SORBS2: variants seen among roughly 807,000 people sequenced by gnomAD.
SORBS2 encodes sorbin and SH3 domain-containing protein 2.
SORBS2 carries 46 observed loss-of-function variants against 97.7 expected under a neutral mutation model. That is an observed-to-expected ratio of 0.47 (90% CI 0.37 to 0.60). The LOEUF (loss-of-function observed/expected upper bound fraction) is 0.60, where lower values mean the gene tolerates loss of function less well. Among genes scored for constraint, SORBS2 ranks in the 20% least tolerant of loss-of-function variants. The pLI, the probability that SORBS2 is intolerant of heterozygous loss-of-function variation, is 0.00. For missense variants in SORBS2, 1,316 were observed against 1,282.3 expected (o/e 1.03, Z -0.40); for synonymous variants, 476 against 473.4 (o/e 1.01, Z -0.07).
At chr4:185,673,188 A>C (rs2097742639) in intron 4 of SORBS2, among the ~76,000 whole-genome samples, 1 of 152,218 alleles carries the variant, frequency 6.6e-6, no homozygotes, top group Admixed American at 6.5e-5. Context: ...ATGAGTTGCT[A>C]TTCGGTGGGC....
intron 2 of SORBS2, among the ~76,000 whole-genome samples, chr4:185,723,750 T>A (rs1324442820): frequency 1.3e-5 from 2 of 152,124 alleles, no homozygotes; most frequent in South Asian, 2.1e-4. Flanking sequence ...CTCTGTGGAG[T>A]TGAGGAAAGA....
intron 2 of SORBS2, among the ~76,000 whole-genome samples, chr4:185,716,482 G>A (rs530846631): frequency 6.6e-6 from 1 of 152,362 alleles, no homozygotes; most frequent in South Asian, 2.1e-4. Context: ...AGGGGATGTT[G>A]CCTTGGCACC....
intron 1 of SORBS2, among the ~76,000 whole-genome samples, chr4:185,866,621 T>C (rs1017067160): frequency 3.9e-5 from 6 of 152,218 alleles, no homozygotes; most frequent in Admixed American, 6.5e-5. Flanking sequence ...ACAGAGACAG[T>C]TTCACCTCAT....
At chr4:185,944,278 C>A (rs1040495993) in intron 1 of SORBS2, among the ~76,000 whole-genome samples, 19 of 152,212 alleles carry the variant, frequency 1.2e-4, no homozygotes, top group African/African-American at 3.6e-4. Context: ...GAAGCACCCA[C>A]TTAAAGCCAC....
intron 1 of SORBS2, among the ~76,000 whole-genome samples, chr4:185,841,666 T>A (rs2099211641): frequency 6.6e-6 from 1 of 152,160 alleles, no homozygotes; most frequent in African/African-American, 2.4e-5. Context: ...TTCTGCACAA[T>A]CTCCTGAGAA....
chr4:185,721,084 C>CTTTT lies in SORBS2; in HGVS notation c.-197-42266_-197-42263dup, dbSNP rs1160319469. ...CCTAACTCCTGCTTTCCCACCTATTCTTTTTTTTTTTTTTTTTTTTTTGAG... is the reference window on the plus strand; with the variant it reads ...CCTAACTCCTGCTTTCCCACCTATTCTTTTTTTTTTTTTTTTTTTTTTTTTTGAG... On this transcript the variant is annotated intron_variant, in intron 2 of 20. Transcript: ENST00000284776. Among the ~76,000 whole-genome samples, 131 of 92,174 alleles carry CTTTT rather than the reference C, an allele frequency of 1.4e-3. 12 individuals are homozygous for CTTTT. The highest frequency in any genetic ancestry group is 4.4e-3 in the African/African-American group (99 of 22,698). The allele number at this position is 92,174 out of a possible 152,430, so 60.5% of individuals were successfully genotyped here.
At chr4:185,920,340 G>A (rs1056924821) in intron 1 of SORBS2, among the ~76,000 whole-genome samples, 14 of 152,252 alleles carry the variant, frequency 9.2e-5, no homozygotes, top group Middle Eastern at 6.8e-3. Context: ...TCTGTCCCAA[G>A]GTTTGTGTAC....
chr4:185,735,340 C>A (rs1254664089), intron 2 of SORBS2, among the ~76,000 whole-genome samples: 1 of 151,508 alleles, frequency 6.6e-6, no homozygotes, highest in Non-Finnish European at 1.5e-5. Context: ...AGGAGGACAT[C>A]CTAGGAGATT....
In SORBS2 at chr4:185,666,007, T is replaced by C. The variant is rs934242408; in HGVS notation, c.-45-3765A>G. The C allele has an allele frequency of 5.4e-6, 7 of 1,288,380 alleles. No homozygotes were observed. The South Asian group carries it at 7.4e-5, about 14-fold the overall frequency. 79.8% of individuals were successfully genotyped at this position (1,288,380 alleles called of 1,614,324 possible). A position where few individuals can be genotyped will look rare whatever the true frequency, so the allele number is the denominator to read the frequency against. The stretch of plus-strand genomic sequence containing the variant: ...GCAATGGGAAAGGCTCTGGGGATTA[T>C]GCAGGCGTGAAGACCCCACACCATC... On this transcript the variant is annotated intron_variant, in intron 4 of 20. Coordinates refer to the SORBS2 transcript ENST00000284776.
chr4:185,681,284 T>C (rs2097862609), intron 2 of SORBS2, among the ~76,000 whole-genome samples: 1 of 152,112 alleles, frequency 6.6e-6, no homozygotes, highest in African/African-American at 2.4e-5. Flanking sequence ...CTTTTTAGCA[T>C]AGCCCTGCTT....
At chr4:185,605,805 A>G (rs1021323757) in intron 12 of SORBS2, among the ~76,000 whole-genome samples, 3 of 151,870 alleles carry the variant, frequency 2.0e-5, no homozygotes, top group South Asian at 2.1e-4. Context: ...GGCTGATCTC[A>G]AATTCCTGAC....
At chr4:185,844,169 A>G (rs1421432563) in intron 1 of SORBS2, among the ~76,000 whole-genome samples, 3 of 152,190 alleles carry the variant, frequency 2.0e-5, no homozygotes, top group Non-Finnish European at 4.4e-5. Flanking sequence ...AAAAATGAAC[A>G]CTGATAAATA....
chr4:185,752,450 TA>T lies in SORBS2; in HGVS notation c.-198+22776del, dbSNP rs1445079771. Among the ~76,000 whole-genome samples the T allele has an allele frequency of 3.9e-5, 6 of 152,270 alleles. No individual in the cohort carries two copies. The East Asian group carries it at 9.7e-4, about 25-fold the overall frequency. ...GCCACCACACCCAGCTAATTTTTTG[TA>T]TTTTTTAGTAGATATGGGGTTTCAC... On this transcript the variant is annotated intron_variant, in intron 2 of 20. Coordinates refer to the SORBS2 transcript ENST00000284776.
chr4:185,794,515 A>G (rs1282615904), intron 1 of SORBS2, among the ~76,000 whole-genome samples: 3 of 152,254 alleles, frequency 2.0e-5, no homozygotes, highest in Non-Finnish European at 4.4e-5. Flanking sequence ...AACTGCAGAT[A>G]CATGGCCCAG....
At chr4:185,905,927 C>G (rs1202715197) in intron 1 of SORBS2, among the ~76,000 whole-genome samples, 1 of 152,190 alleles carries the variant, frequency 6.6e-6, no homozygotes, top group Non-Finnish European at 1.5e-5. Flanking sequence ...CTGGGCCCAG[C>G]AAAGAGAGGA....
At chr4:185,587,837 A>C in intron 14 of SORBS2, 149 bp from the exon 27 acceptor site, 1 of 635,658 alleles carries the variant, frequency 1.6e-6, no homozygotes, top group South Asian at 1.9e-5. Context: ...TGAAGCCCAT[A>C]GGCAGACAAA....
chr4:185,619,891 G>C (rs1203278564), intron 8 of SORBS2, among the ~76,000 whole-genome samples, 172 bp downstream of exon 20: 1 of 152,120 alleles, frequency 6.6e-6, no homozygotes, highest in Non-Finnish European at 1.5e-5. Flanking sequence ...GGTGTGGACT[G>C]CTTCTAGGGT....
chr4:185,611,053 A>G (rs2096530191), intron 12 of SORBS2, among the ~76,000 whole-genome samples: 1 of 152,178 alleles, frequency 6.6e-6, no homozygotes, highest in Non-Finnish European at 1.5e-5. Context: ...TAAATTACGT[A>G]TTGAGAAAGA....
Position 185,607,168 on chromosome 4 carries a change from A to G in SORBS2, c.2796+4612T>C. ...GTCAGCTGACAAGGTTAAAGCACCA[A>G]GCTTCTCCAATTCACCCAAGAAGTT... On this transcript the variant is annotated intron_variant, in intron 12 of 14. Coordinates refer to ENST00000418609, the Ensembl canonical transcript of SORBS2. The surrounding 1 kb of genome is among the most constrained non-coding windows in gnomAD (Gnocchi z 5.2). 1.8e-6 allele frequency: 2 copies of G among 1,120,864 alleles called. No individual in the cohort carries two copies. Among genetic ancestry groups the G allele is most frequent in the South Asian group, 3.9e-5 (2 of 51,178 alleles). 69.4% of individuals were successfully genotyped at this position (1,120,864 alleles called of 1,614,324 possible).
Sources: allele counts gnomAD v4.1 joint callset (sites outside exome capture counted in the v4.1 genomes callset), GRCh38; gene constraint gnomAD v4.1.1; non-coding constraint Gnocchi (gnomAD v3.1); transcripts MANE v1.5; gene names NCBI Gene and HGNC (gene_info 2026-07-23, HGNC 2026-07-21).